EDEM3: variants seen among roughly 807,000 people sequenced by gnomAD.
EDEM3 encodes ER degradation enhancing alpha-mannosidase like protein 3.
In EDEM3, 60 loss-of-function variants were observed where a neutral mutation model predicts 110.2. That is an observed-to-expected ratio of 0.54 (90% CI 0.44 to 0.67). The LOEUF is 0.67. EDEM3 is among the 30% of genes least tolerant of loss of function. The probability of loss-of-function intolerance (pLI) is 0.00; values close to 1 mark genes in which losing one functional copy is unlikely to be tolerated. For synonymous variants in EDEM3, 352 were observed against 382.9 expected, an observed-to-expected ratio of 0.92 and a Z score of 0.94; for missense variants, 996 against 1,121.0, an observed-to-expected ratio of 0.89 and a Z score of 1.59.
chr1:184,698,439 C>T (rs1649441887), intron 19 of EDEM3, among the ~76,000 whole-genome samples: 1 of 151,748 alleles, frequency 6.6e-6, no homozygotes, highest in Non-Finnish European at 1.5e-5. Context: ...AAACATAATG[C>T]AGCTTTCAAA....
At chr1:184,748,803 C>T (rs1024163758) in intron 2 of EDEM3, among the ~76,000 whole-genome samples, 1 of 152,150 alleles carries the variant, frequency 6.6e-6, no homozygotes, top group African/African-American at 2.4e-5. Context: ...AGTCCTCTGC[C>T]AAACTTTCCC....
chr1:184,703,390 C>T (rs1429455082), intron 18 of EDEM3, among the ~76,000 whole-genome samples: 3 of 152,054 alleles, frequency 2.0e-5, no homozygotes, highest in African/African-American at 4.8e-5. Context: ...ATCAATGACT[C>T]GGATTACAGT....
intron 2 of EDEM3, among the ~76,000 whole-genome samples, chr1:184,743,006 G>C (rs2102127830): frequency 6.6e-6 from 1 of 152,120 alleles, no homozygotes; most frequent in African/African-American, 2.4e-5. Flanking sequence ...ACATACCTCT[G>C]TCTGAAATTA....
At position 184,692,797 on chromosome 1, in the gene EDEM3, A is replaced by AGGG. The variant is rs1226862444; in HGVS notation, c.*1265_*1266insCCC. The AGGG allele has an allele frequency of 1.6e-5, 2 of 127,188 alleles. No homozygotes were observed. The highest frequency in any genetic ancestry group is 2.6e-5 in the African/African-American group (1 of 38,318). The allele number at this position is 127,188 out of a possible 1,614,324, so 7.9% of individuals were successfully genotyped here. On this transcript the variant is annotated 3_prime_UTR_variant, in exon 20 of 20. Coordinates refer to ENST00000318130, the MANE Select transcript of EDEM3 (RefSeq NM_025191.4). ...ACAACAACAACAAACCAAAAAAAAA[A>AGGG]AGGGGGGGGGTGGAAGTCTCATTAA...
At chr1:184,725,868 TAGA>T (rs375935891) in intron 7 of EDEM3, among the ~76,000 whole-genome samples, 37 of 152,264 alleles carry the variant, frequency 2.4e-4, no homozygotes, top group African/African-American at 8.7e-4. Context: ...CACTGTGTTT[TAGA>T]AGATTAGTGA....
At chr1:184,712,677 G>A in intron 13 of EDEM3, 79 bp from the exon 14 acceptor site, 1 of 988,160 alleles carries the variant, frequency 1.0e-6, no homozygotes, top group Non-Finnish European at 1.4e-6. Flanking sequence ...ATAGAGTCAA[G>A]GTTAATAATC....
In EDEM3 at chr1:184,747,903, G is replaced by C. The variant is rs1652522589; in HGVS notation, c.204+1644C>G. Among the ~76,000 whole-genome samples, 3 of 152,218 alleles carry C rather than the reference G, an allele frequency of 2.0e-5. No individual in the cohort carries two copies. In the South Asian group the frequency reaches 6.2e-4, roughly 32 times the overall value. ...TATTAAAGATACCATGCTTTATAAA[G>C]AGATGATCCTATTCATTGTGAGAAA... On this transcript the variant is annotated intron_variant, in intron 2 of 19. Transcript: ENST00000318130.
chr1:184,723,756 C>T lies in EDEM3; in HGVS notation c.848G>A (p.Arg283Gln), dbSNP rs745895034. 11 of 1,594,910 alleles carry T rather than the reference C, an allele frequency of 6.9e-6. No individual in the cohort carries two copies. Among genetic ancestry groups the T allele is most frequent in the East Asian group, 2.3e-5 (1 of 44,190 alleles). ...TINIHTGDWV[R>Q]KDSGVGAGID... The stretch of plus-strand genomic sequence containing the variant: ...AAAAAGCCTAACTTACATACCTTTT[C>T]GTACCCAATCTCCAGTATGAATATT... Residue 283 changes from arginine to glutamine, a missense_variant, in exon 8 of 20, where the codon CGA (arginine) becomes CAA (glutamine). This residue lies in a region of EDEM3 where 310 missense variants were observed against 394.6 expected (regional missense o/e 0.79). Coordinates refer to ENST00000318130, the MANE Select transcript of EDEM3 (RefSeq NM_025191.4).
At chr1:184,748,559 T>G (rs765846090) in intron 2 of EDEM3, among the ~76,000 whole-genome samples, 1 of 151,958 alleles carries the variant, frequency 6.6e-6, no homozygotes, top group Non-Finnish European at 1.5e-5. Flanking sequence ...CCAAAAAAAA[T>G]CATATCCTAA....
intron 15 of EDEM3, among the ~76,000 whole-genome samples, chr1:184,710,748 A>G (rs1170517823): frequency 6.6e-6 from 1 of 152,184 alleles, no homozygotes. Flanking sequence ...TCTAGTTATA[A>G]AAGTTTGTAT....
At chr1:184,720,210 A>G (rs928348040) in intron 9 of EDEM3, among the ~76,000 whole-genome samples, 2 of 152,200 alleles carry the variant, frequency 1.3e-5, no homozygotes, top group Admixed American at 1.3e-4. Flanking sequence ...ATAATCTAAT[A>G]AACAATCTAT....
intron 6 of EDEM3, among the ~76,000 whole-genome samples, chr1:184,727,054 G>A (rs1222710040): frequency 6.6e-6 from 1 of 152,198 alleles, no homozygotes; most frequent in East Asian, 1.9e-4. Context: ...CACTTTGTGA[G>A]GCCAAGGCGA....
At position 184,750,565 on chromosome 1, in the gene EDEM3, T is replaced by G. The variant is rs553353951; in HGVS notation, c.159-973A>C. Among the ~76,000 whole-genome samples the G allele has an allele frequency of 4.7e-5, 7 of 150,218 alleles. 1 individual carries two copies. In the South Asian group the frequency reaches 1.5e-3, roughly 32 times the overall value. On this transcript the variant is annotated intron_variant, in intron 1 of 19. Transcript: ENST00000318130. ...TCACTCTGTCACACCTAGGCTAGAG[T>G]GCAGTGGCACGATCTCAGCTCACTG...
chr1:184,692,249 T>C lies in EDEM3; in HGVS notation c.*1814A>G, dbSNP rs1462345698. 1 of 152,040 alleles carries C rather than the reference T, an allele frequency of 6.6e-6. No homozygotes were observed. The highest frequency in any genetic ancestry group is 2.1e-4 in the South Asian group (1 of 4,820). 9.4% of individuals were successfully genotyped at this position (152,040 alleles called of 1,614,324 possible). ...TCTATCCTTCCATATACTGTATATA[T>C]TATAGTTCTATCTTGTTACACCAAA... On this transcript the variant is annotated 3_prime_UTR_variant, in exon 20 of 20. Transcript: ENST00000318130.
In EDEM3 at chr1:184,694,323, A is replaced by G. The variant is rs1259073036; in HGVS notation, c.2539T>C (p.Leu847=). 6.2e-7 allele frequency: 1 copy of G among 1,613,234 alleles called. No homozygotes were observed. The highest frequency in any genetic ancestry group is 2.2e-5 in the East Asian group (1 of 44,834). Reference sequence around the variant, plus strand: ...GCATTGTCCATATCTGCTAGAGATAATGATTCTGGGTGAGAATTTAGAGAA... The same window carrying G: ...GCATTGTCCATATCTGCTAGAGATAGTGATTCTGGGTGAGAATTTAGAGAA... ...ENSLNSHPES[L]SLADMDNAAS... Residue 847 remains leucine (L), a synonymous_variant, in exon 20 of 20, where the codon TTA becomes CTA. Coordinates refer to ENST00000318130, the MANE Select transcript of EDEM3 (RefSeq NM_025191.4).
At chr1:184,712,863 T>C (rs1650332587) in intron 13 of EDEM3, among the ~76,000 whole-genome samples, 1 of 152,154 alleles carries the variant, frequency 6.6e-6, no homozygotes, top group African/African-American at 2.4e-5. Flanking sequence ...TATAGGCCTT[T>C]CAATGAGGGA....
chr1:184,721,183 C>T (rs1403735184), intron 9 of EDEM3, 106 bp downstream of exon 9: 2 of 883,826 alleles, frequency 2.3e-6, no homozygotes, highest in East Asian at 2.9e-5. Flanking sequence ...AAAACCACTA[C>T]ACATTTTAAA....
chr1:184,732,466 A>T (rs1467157730), intron 6 of EDEM3, among the ~76,000 whole-genome samples: 1 of 152,212 alleles, frequency 6.6e-6, no homozygotes, highest in African/African-American at 2.4e-5. Context: ...CTAAAAGAGT[A>T]TAATTGGAAT....
intron 6 of EDEM3, among the ~76,000 whole-genome samples, chr1:184,732,410 C>A (rs1375922410): frequency 6.6e-6 from 1 of 152,170 alleles, no homozygotes; most frequent in Non-Finnish European, 1.5e-5. Context: ...AATAGCACAA[C>A]AGAGCGATTA....
Sources: gnomAD v4.1 joint callset for allele counts (sites outside exome capture counted in the v4.1 genomes callset) on GRCh38, gnomAD v4.1.1 for gene constraint, gnomAD v4.1.1 regional missense constraint, MANE v1.5 for transcripts, NCBI Gene and HGNC (gene_info 2026-07-23, HGNC 2026-07-21) for gene names.